MNAT1: variants seen among roughly 807,000 people sequenced by gnomAD.
The protein encoded by MNAT1 is CDK-activating kinase assembly factor MAT1.
MNAT1 carries 43 observed loss-of-function variants against 42.0 expected under a neutral mutation model. That is an observed-to-expected ratio of 1.02 (90% CI 0.80 to 1.32). The LOEUF is 1.32. MNAT1 is among the 40% of genes most tolerant of loss of function. MNAT1 has a pLI of 0.00. For missense variants in MNAT1, 306 were observed against 350.4 expected, an observed-to-expected ratio of 0.87 and a Z score of 1.01; for synonymous variants, 118 against 120.0, an observed-to-expected ratio of 0.98 and a Z score of 0.11.
chr14:60,753,441 C>T (rs1434385976), intron 1 of MNAT1: 1 of 152,192 alleles, frequency 6.6e-6, no homozygotes, highest in Non-Finnish European at 1.5e-5. Flanking sequence ...TGTCAGGAGT[C>T]CTCAGTTCTT....
intron 1 of MNAT1, among the ~76,000 whole-genome samples, chr14:60,741,016 T>C (rs2140283425): frequency 6.6e-6 from 1 of 152,336 alleles, no homozygotes; most frequent in Non-Finnish European, 1.5e-5. Flanking sequence ...TCATACTTTA[T>C]GCATTTTGGA....
At chr14:60,933,181 G>A (rs2035923633) in intron 7 of MNAT1, among the ~76,000 whole-genome samples, 1 of 151,906 alleles carries the variant, frequency 6.6e-6, no homozygotes, top group Admixed American at 6.6e-5. Flanking sequence ...AGAAAGTCCG[G>A]TCCCTTAGAA....
intron 1 of MNAT1, among the ~76,000 whole-genome samples, chr14:60,748,240 CT>C (rs1356029017): frequency 2.0e-5 from 3 of 151,452 alleles, no homozygotes; most frequent in Non-Finnish European, 4.4e-5. Context: ...TTAGGTTTTC[CT>C]TTTTTTTGAG....
intron 7 of MNAT1, among the ~76,000 whole-genome samples, chr14:60,896,668 G>T (rs2034963022): frequency 6.6e-6 from 1 of 151,986 alleles, no homozygotes; most frequent in Non-Finnish European, 1.5e-5. Context: ...TGTATTTTTA[G>T]TAGAGACGGG....
At chr14:60,814,973 GTATA>G (rs1374938784) in intron 5 of MNAT1, among the ~76,000 whole-genome samples, 3 of 152,038 alleles carry the variant, frequency 2.0e-5, no homozygotes, top group African/African-American at 7.2e-5. Context: ...CTAATTATTA[GTATA>G]TAGTTACTAA....
chr14:60,878,975 A>G (rs980307472), intron 6 of MNAT1, among the ~76,000 whole-genome samples: 4 of 151,916 alleles, frequency 2.6e-5, no homozygotes, highest in East Asian at 1.9e-4. Context: ...TGAGATGTCT[A>G]TGGTGTTGCC....
chr14:60,826,193 C>A (rs2033047626), intron 6 of MNAT1, among the ~76,000 whole-genome samples: 1 of 151,906 alleles, frequency 6.6e-6, no homozygotes, highest in East Asian at 1.9e-4. Context: ...AGGAATTAAA[C>A]TGTCAGGGAG....
intron 6 of MNAT1, among the ~76,000 whole-genome samples, chr14:60,829,483 CT>C (rs1392961538): frequency 2.0e-5 from 3 of 152,030 alleles, no homozygotes; most frequent in Non-Finnish European, 2.9e-5. Flanking sequence ...ATGTAATATT[CT>C]TTCCTTTACC....
chr14:60,796,756 G>C (rs930481613), intron 2 of MNAT1, among the ~76,000 whole-genome samples: 3 of 151,874 alleles, frequency 2.0e-5, no homozygotes, highest in Admixed American at 6.6e-5. Flanking sequence ...ATAGCAAAAA[G>C]ACAAAAAAAC....
intron 7 of MNAT1, among the ~76,000 whole-genome samples, chr14:60,925,842 G>A (rs537821425): frequency 1.1e-4 from 17 of 152,230 alleles, no homozygotes; most frequent in Middle Eastern, 3.4e-3. Context: ...GACTGTCCCC[G>A]ATTTCACTTC....
intron 7 of MNAT1, among the ~76,000 whole-genome samples, chr14:60,936,431 C>G (rs911637186): frequency 2.1e-5 from 3 of 139,568 alleles, no homozygotes; most frequent in African/African-American, 8.0e-5. Context: ...TTCCTGTGTC[C>G]GTGTGTTCTC....
At chr14:60,837,845 A>C (rs1221181685) in intron 6 of MNAT1, among the ~76,000 whole-genome samples, 3 of 152,240 alleles carry the variant, frequency 2.0e-5, no homozygotes, top group Admixed American at 6.5e-5. Context: ...TAAAAGGAGC[A>C]AGAGCTTTTA....
At chr14:60,765,252 T>A (rs138320426) in intron 1 of MNAT1, among the ~76,000 whole-genome samples, 2 of 152,222 alleles carry the variant, frequency 1.3e-5, no homozygotes, top group Non-Finnish European at 2.9e-5. Flanking sequence ...ATCGTGCCAC[T>A]GCACTCCAGC....
intron 3 of MNAT1, among the ~76,000 whole-genome samples, chr14:60,804,499 A>G (rs1049011846): frequency 1.3e-5 from 2 of 152,066 alleles, no homozygotes; most frequent in African/African-American, 2.4e-5. Context: ...TTTGGAATTC[A>G]TAAAGTTTTC....
rs142696022 is a variant in MNAT1, at chr14:60,885,073, T to C, written c.809+5238T>C. 4.4e-3 allele frequency among the ~76,000 whole-genome samples: 672 copies of C among 151,964 alleles called. 8 individuals carry two copies. Among genetic ancestry groups the C allele is most frequent in the African/African-American group, 0.014 (601 of 41,512 alleles). On this transcript the variant is annotated intron_variant, in intron 7 of 7. Coordinates refer to ENST00000261245, the MANE Select transcript of MNAT1 (RefSeq NM_002431.4). Reference sequence around the variant, plus strand: ...CCAGACATATTGGACCTCCATTCTATGTTATTTGTATATTTTGTCTTTCTG... The same window carrying C: ...CCAGACATATTGGACCTCCATTCTACGTTATTTGTATATTTTGTCTTTCTG...
chr14:60,955,866 C>T (rs1175096429), intron 7 of MNAT1, among the ~76,000 whole-genome samples: 2 of 151,884 alleles, frequency 1.3e-5, no homozygotes, highest in Non-Finnish European at 2.9e-5. Context: ...TCTCCTCCTT[C>T]ATTTCTAATT....
At chr14:60,770,926 T>A (rs1217777032) in intron 1 of MNAT1, among the ~76,000 whole-genome samples, 1 of 152,190 alleles carries the variant, frequency 6.6e-6, no homozygotes, top group Admixed American at 6.5e-5. Context: ...TGCATTTTAT[T>A]TATCCATTCT....
intron 1 of MNAT1, among the ~76,000 whole-genome samples, chr14:60,791,847 TG>T (rs2031830203): frequency 6.6e-6 from 1 of 152,162 alleles, no homozygotes; most frequent in Non-Finnish European, 1.5e-5. Flanking sequence ...GGTTACTTTC[TG>T]GGGACTAAAA....
chr14:60,930,205 CTTT>C (rs957432095), intron 7 of MNAT1, among the ~76,000 whole-genome samples: 7 of 76,892 alleles, frequency 9.1e-5, no homozygotes, highest in African/African-American at 2.2e-4. Flanking sequence ...CTTCTTCCGT[CTTT>C]ATTATTATTA....
Sources: allele counts gnomAD v4.1 joint callset (sites outside exome capture counted in the v4.1 genomes callset), GRCh38; gene constraint gnomAD v4.1.1; transcripts MANE v1.5; gene names NCBI Gene and HGNC (gene_info 2026-07-23, HGNC 2026-07-21).